The following RELN variants were observed in gnomAD, a reference collection of about 807,000 sequenced individuals.
The protein encoded by RELN is reelin.
RELN carries 108 observed loss-of-function variants against 427.6 expected under a neutral mutation model. That is an observed-to-expected ratio of 0.25 (90% CI 0.22 to 0.30). The LOEUF (loss-of-function observed/expected upper bound fraction) is 0.30. Ranked by LOEUF, RELN falls within the 10% of genes least tolerant of loss-of-function variation. RELN has a pLI of 1.00. For synonymous variants in RELN, 1,524 were observed against 1,513.4 expected, an observed-to-expected ratio of 1.01 and a Z score of -0.16; for missense variants, 3,715 against 4,302.8, an observed-to-expected ratio of 0.86 and a Z score of 3.82.
intron 8 of RELN, among the ~76,000 whole-genome samples, chr7:103,708,464 CTT>C (rs745955015): frequency 5.5e-5 from 6 of 110,012 alleles, no homozygotes; most frequent in Non-Finnish European, 8.6e-5. Context: ...GGGTATGACT[CTT>C]TTTTTTTTTT....
chr7:103,486,566 G>GC (rs1230137632), intron 60 of RELN, 150 bp from the exon 61 acceptor site: 1 of 652,990 alleles, frequency 1.5e-6, no homozygotes, highest in Non-Finnish European at 2.6e-6. Flanking sequence ...AAAAAAAAAA[G>GC]CCAAACAACC....
At chr7:103,744,197 G>A (rs1448976732) in intron 6 of RELN, among the ~76,000 whole-genome samples, 3 of 152,124 alleles carry the variant, frequency 2.0e-5, no homozygotes, top group Non-Finnish European at 4.4e-5. Context: ...CAGAAATAAA[G>A]ATGTTCTTTG....
At chr7:103,722,730 T>A (rs527556597) in intron 8 of RELN, among the ~76,000 whole-genome samples, 1 of 152,302 alleles carries the variant, frequency 6.6e-6, no homozygotes, top group African/African-American at 2.4e-5. Context: ...CATAAAGCCT[T>A]AATTGGTTTC....
chr7:103,684,124 G>A lies in RELN; in HGVS notation c.1144-1863C>T, dbSNP rs146263750. ...AATTCCTGAGCTATTTGAGAGCAAC[G>A]GGTGTACTGAGTCTCCATTTCTTTC... is the stretch of plus-strand genomic sequence containing the variant. On this transcript the variant is annotated intron_variant, in intron 10 of 64. Transcript: ENST00000428762. 9.7e-4 allele frequency among the ~76,000 whole-genome samples: 147 copies of A among 152,248 alleles called. 1 individual carries two copies. The highest frequency in any genetic ancestry group is 3.1e-3 in the Admixed American group (48 of 15,276).
At chr7:103,648,423 T>C (rs1832841591) in intron 16 of RELN, among the ~76,000 whole-genome samples, 1 of 152,190 alleles carries the variant, frequency 6.6e-6, no homozygotes, top group African/African-American at 2.4e-5. Context: ...GACAACTAAA[T>C]CTCTTTTCTT....
At position 103,911,235 on chromosome 7, in the gene RELN, C is replaced by T. The variant is rs893885301; in HGVS notation, c.337+5840G>A. 1.1e-3 allele frequency among the ~76,000 whole-genome samples: 153 copies of T among 145,068 alleles called. 1 individual carries two copies. The highest frequency in any genetic ancestry group is 3.8e-3 in the African/African-American group (141 of 37,140). On this transcript the variant is annotated intron_variant, in intron 2 of 64. Transcript: ENST00000428762. ...TCTCAAAAGAAGACATTTATGCAGC[C>T]AAAAAACACATGAAAAAATGCTCAT...
chr7:103,487,111 A>G (rs1223629634), intron 60 of RELN, among the ~76,000 whole-genome samples: 1 of 152,166 alleles, frequency 6.6e-6, no homozygotes, highest in Non-Finnish European at 1.5e-5. Context: ...TTGCAGGGAC[A>G]TGGATGAAGC....
chr7:103,906,764 C>G (rs1043868616), intron 2 of RELN, among the ~76,000 whole-genome samples: 4 of 152,160 alleles, frequency 2.6e-5, no homozygotes, highest in African/African-American at 9.6e-5. Context: ...AAACATGATA[C>G]AGTGGCCTAT....
chr7:103,587,368 C>G (rs1387126460), intron 28 of RELN, among the ~76,000 whole-genome samples: 1 of 152,084 alleles, frequency 6.6e-6, no homozygotes, highest in Non-Finnish European at 1.5e-5. Flanking sequence ...TCACCATATA[C>G]AAAAATCAAC....
At chr7:103,847,120 G>A (rs1334320712) in intron 2 of RELN, among the ~76,000 whole-genome samples, 1 of 152,174 alleles carries the variant, frequency 6.6e-6, no homozygotes, top group Non-Finnish European at 1.5e-5. Context: ...ACATGCGCAT[G>A]TATGTTTATT....
At chr7:103,830,433 T>C (rs542808926) in intron 3 of RELN, among the ~76,000 whole-genome samples, 2 of 152,056 alleles carry the variant, frequency 1.3e-5, no homozygotes, top group East Asian at 3.9e-4. Flanking sequence ...AGAAATAATC[T>C]TTCTTACCTT....
At chr7:103,941,567 T>C (rs1250977785) in intron 1 of RELN, among the ~76,000 whole-genome samples, 2 of 152,186 alleles carry the variant, frequency 1.3e-5, no homozygotes, top group African/African-American at 4.8e-5. Context: ...TTAAATGTTT[T>C]CTAATCATAA....
intron 3 of RELN, among the ~76,000 whole-genome samples, chr7:103,793,855 C>T (rs1018270205): frequency 4.6e-5 from 7 of 152,188 alleles, no homozygotes; most frequent in African/African-American, 1.4e-4. Context: ...CAGCCTCTGC[C>T]TCTCAGGTAC....
At chr7:103,697,278 G>C (rs1833995613) in intron 10 of RELN, among the ~76,000 whole-genome samples, 1 of 152,074 alleles carries the variant, frequency 6.6e-6, no homozygotes, top group Non-Finnish European at 1.5e-5. Context: ...TTCTGGGGAG[G>C]TGGAGGGATA....
In RELN at chr7:103,491,908, G is replaced by T. The variant is rs17151558; in HGVS notation, c.9443+45C>A. 128,218 of 1,112,190 alleles carry T rather than the reference G, an allele frequency of 0.12. 8,219 individuals are homozygous for T. Among genetic ancestry groups the T allele is most frequent in the African/African-American group, 0.22 (13,300 of 61,678 alleles). 68.9% of individuals were successfully genotyped at this position (1,112,190 alleles called of 1,614,324 possible). A position where few individuals can be genotyped will look rare whatever the true frequency, so the allele number is the denominator to read the frequency against. ...CACACACACACACAACGATTTGGAT[G>T]GGGTATTCAAGTTTGAAGATAATGT... On this transcript the variant is annotated intron_variant, in intron 58 of 64. Transcript: ENST00000428762.
chr7:103,795,726 G>C (rs1276989588), intron 3 of RELN, among the ~76,000 whole-genome samples: 1 of 152,068 alleles, frequency 6.6e-6, no homozygotes, highest in African/African-American at 2.4e-5. Flanking sequence ...AAATTCCTTT[G>C]GAATTACAAA....
chr7:103,856,170 T>C (rs1031220821), intron 2 of RELN, among the ~76,000 whole-genome samples: 12 of 152,186 alleles, frequency 7.9e-5, no homozygotes, highest in African/African-American at 2.9e-4. Flanking sequence ...TGTTTGATTT[T>C]ACCATTCAAA....
At chr7:103,846,920 A>G (rs1358578125) in intron 2 of RELN, among the ~76,000 whole-genome samples, 1 of 152,224 alleles carries the variant, frequency 6.6e-6, no homozygotes, top group Non-Finnish European at 1.5e-5. Context: ...AGCAGGAAAC[A>G]ACAGATGCTG....
intron 27 of RELN, 74 bp from the exon 28 acceptor site, chr7:103,589,902 C>T (rs1317156314): frequency 1.1e-6 from 1 of 892,048 alleles, no homozygotes; most frequent in Non-Finnish European, 1.9e-6. Flanking sequence ...GATGCTACAG[C>T]ATCCAGGGTG....
Sources: allele counts gnomAD v4.1 joint callset (sites outside exome capture counted in the v4.1 genomes callset), GRCh38; gene constraint gnomAD v4.1.1; transcripts MANE v1.5; gene names NCBI Gene and HGNC (gene_info 2026-07-23, HGNC 2026-07-21).